Variants in HBS1L observed in about 807,000 individuals in gnomAD.
HBS1L encodes the protein HBS1 like translational GTPase, also known as HBS1-like protein.
Under a neutral mutation model 88.9 loss-of-function variants are expected in HBS1L, and 55 were observed. The ratio of observed to expected loss-of-function variants is 0.62; its 90% CI spans 0.50 to 0.77. The LOEUF is 0.77. HBS1L is among the 30% of genes least tolerant of loss of function. HBS1L has a pLI of 0.00. For synonymous variants in HBS1L, 267 were observed against 288.5 expected (o/e 0.93, Z 0.76); for missense variants, 741 against 829.3 (o/e 0.89, Z 1.31).
intron 8 of HBS1L, among the ~76,000 whole-genome samples, chr6:134,990,478 A>G (rs1247723276): frequency 1.3e-5 from 2 of 152,242 alleles, no homozygotes; most frequent in African/African-American, 4.8e-5. Context: ...GTTACTTAAC[A>G]TCTTTGAGTC....
rs571045476 is a variant in HBS1L, at chr6:134,996,957, T to C, written c.800-15A>G. ...ATCAACATGACCTAAAGAAAATTGA[T>C]TCAGGATTAATACCAGGTACATTTC... On this transcript the variant is annotated splice_polypyrimidine_tract_variant and intron_variant, in intron 6 of 17. Coordinates refer to ENST00000367837, the MANE Select transcript of HBS1L (RefSeq NM_006620.4). 2.6e-6 allele frequency: 4 copies of C among 1,556,994 alleles called. No individual in the cohort carries two copies. In the South Asian group the frequency reaches 3.7e-5, roughly 14 times the overall value.
chr6:134,992,962 T>C (rs1775186304), intron 8 of HBS1L, among the ~76,000 whole-genome samples: 1 of 152,206 alleles, frequency 6.6e-6, no homozygotes, highest in Non-Finnish European at 1.5e-5. Context: ...TACCATTTTT[T>C]ATCTTTTATG....
intron 1 of HBS1L, among the ~76,000 whole-genome samples, chr6:135,052,884 T>C (rs1365175319): frequency 2.0e-5 from 3 of 152,206 alleles, no homozygotes; most frequent in Non-Finnish European, 2.9e-5. Flanking sequence ...GCGGAACCAG[T>C]AGGTTTTAGA....
intron 4 of HBS1L, among the ~76,000 whole-genome samples, chr6:135,032,516 A>T (rs978185351): frequency 6.6e-6 from 1 of 152,140 alleles, no homozygotes; most frequent in Admixed American, 6.5e-5. Flanking sequence ...CAATTTCTAA[A>T]CTATTATAAA....
intron 2 of HBS1L, among the ~76,000 whole-genome samples, chr6:135,048,868 TAA>T (rs1776993142): frequency 6.6e-6 from 1 of 152,156 alleles, no homozygotes; most frequent in South Asian, 2.1e-4. Context: ...GGCCTGTACA[TAA>T]AGAGCTAGAT....
intron 13 of HBS1L, 195 bp from the exon 14 acceptor site, chr6:134,979,463 C>T (rs1225805189): frequency 1.2e-5 from 6 of 507,824 alleles, no homozygotes; most frequent in Non-Finnish European, 2.1e-5. Flanking sequence ...TCTAGAATAC[C>T]ACCCTAAACA....
intron 4 of HBS1L, chr6:135,027,210 A>G (rs79071071): frequency 7.1e-6 from 1 of 141,744 alleles, no homozygotes. Flanking sequence ...AAAAAAAAAA[A>G]AAAAAAGAAA....
chr6:134,986,117 A>G lies in HBS1L; in HGVS notation c.1372T>C (p.Ser458Pro), dbSNP rs752717318. The G allele has an allele frequency of 3.1e-6, 5 of 1,602,026 alleles. No individual in the cohort carries two copies. The African/African-American group carries it at 5.4e-5, about 17-fold the overall frequency. ...SGENLITRSQ[S>P]SELTKWYKGL... is the part of the protein sequence containing the mutation. Reference sequence around the variant, plus strand: ...TTATACCATTTTGTGAGTTCACTTGACTGAGATCTTGTGATTAGATTTTCA... The same window carrying G: ...TTATACCATTTTGTGAGTTCACTTGGCTGAGATCTTGTGATTAGATTTTCA... Residue 458 changes from serine (S) to proline (P), a missense_variant, in exon 11 of 18, where the codon TCA becomes CCA. Ser to Pro is a moderately conservative substitution (Grantham distance 74, BLOSUM62 -1). This residue lies in a region of HBS1L where 556 missense variants were observed against 598.4 expected (regional missense o/e 0.93). Coordinates refer to ENST00000367837, the MANE Select transcript of HBS1L (RefSeq NM_006620.4).
At chr6:135,049,213 C>T (rs565316632) in intron 2 of HBS1L, among the ~76,000 whole-genome samples, 1 of 152,256 alleles carries the variant, frequency 6.6e-6, no homozygotes, top group South Asian at 2.1e-4. Flanking sequence ...GGTGAACACC[C>T]GCTTTCTGGC....
chr6:134,966,433 T>C lies in HBS1L; in HGVS notation c.1939A>G (p.Thr647Ala). 6.2e-7 allele frequency: 1 copy of C among 1,610,720 alleles called. No homozygotes were observed. The highest frequency in any genetic ancestry group is 8.5e-7 in the Non-Finnish European group (1 of 1,178,300). ...KGQNALVELQ[T>A]QRPIALELYK... Reference sequence around the variant, plus strand: ...AGCTCAAGAGCTATTGGTCTTTGTGTCTGTAGCTCTACCAATGCATTCTGG... The same window carrying C: ...AGCTCAAGAGCTATTGGTCTTTGTGCCTGTAGCTCTACCAATGCATTCTGG... The change falls in exon 17 of 18, where the codon ACA becomes GCA. Residue 647 changes from threonine (T) to alanine (A), a missense_variant. Thr to Ala is a moderately conservative substitution (Grantham distance 58). Around this residue, in one of 3 missense-constraint regions of HBS1L, gnomAD observed 181 missense variants for 212.7 expected, o/e 0.85. Transcript: ENST00000367837.
chr6:134,996,649 T>A, intron 7 of HBS1L, 128 bp downstream of exon 7: 1 of 638,432 alleles, frequency 1.6e-6, no homozygotes, highest in Non-Finnish European at 2.4e-6. Flanking sequence ...TTCCCTGATA[T>A]CTAAAAGCTA....
At chr6:135,047,564 T>C (rs145379831) in intron 2 of HBS1L, among the ~76,000 whole-genome samples, 132 of 152,316 alleles carry the variant, frequency 8.7e-4, no homozygotes, top group African/African-American at 2.9e-3. Context: ...GTCCCCAACA[T>C]TGCATTTCTA....
At chr6:135,003,302 G>C (rs915094702) in intron 4 of HBS1L, among the ~76,000 whole-genome samples, 1 of 152,104 alleles carries the variant, frequency 6.6e-6, no homozygotes, top group Non-Finnish European at 1.5e-5. Flanking sequence ...AATTGTGCTG[G>C]AATATAGTAT....
At position 134,965,387 on chromosome 6, in the gene HBS1L, C is replaced by G. The variant is rs879067139; in HGVS notation, c.2044-97G>C. ...AATTATGGTGAAAGAATTATTATAT[C>G]AAGAGAAAATCTTTTTCTTTGTCCT... On this transcript the variant is annotated intron_variant, in intron 17 of 17. Coordinates refer to ENST00000367837, the MANE Select transcript of HBS1L (RefSeq NM_006620.4). 201 of 836,048 alleles carry G rather than the reference C, an allele frequency of 2.4e-4. 1 individual carries two copies. The South Asian group carries it at 2.4e-3, about 10-fold the overall frequency. The allele number at this position is 836,048 out of a possible 1,614,324, so 51.8% of individuals were successfully genotyped here. A position where few individuals can be genotyped will look rare whatever the true frequency, so the allele number is the denominator to read the frequency against.
intron 2 of HBS1L, among the ~76,000 whole-genome samples, chr6:135,045,197 G>C (rs1229218803): frequency 2.0e-5 from 3 of 152,106 alleles, no homozygotes; most frequent in Admixed American, 6.5e-5. Flanking sequence ...GTTGTACTGA[G>C]AGCCCCAAAA....
chr6:135,037,851 C>CT (rs1239432391), intron 4 of HBS1L: 10 of 1,546,286 alleles, frequency 6.5e-6, no homozygotes, highest in Non-Finnish European at 8.7e-6. Flanking sequence ...TGTCAAGTTT[C>CT]TTTTTTCTAT....
chr6:135,053,324 T>C lies in HBS1L; in HGVS notation c.43+1325A>G, dbSNP rs555622054. 2.3e-3 allele frequency among the ~76,000 whole-genome samples: 344 copies of C among 152,348 alleles called. 2 individuals are homozygous for C. Among genetic ancestry groups the C allele is most frequent in the Non-Finnish European group, 3.4e-3 (234 of 68,040 alleles). On this transcript the variant is annotated intron_variant, in intron 1 of 17. Coordinates refer to ENST00000367837, the MANE Select transcript of HBS1L (RefSeq NM_006620.4). ...TGTAACTCGTATAATCTTCTCCTTTTAGACCACCCTCAAATATCTTACTTT... is the reference window on the plus strand; with the variant it reads ...TGTAACTCGTATAATCTTCTCCTTTCAGACCACCCTCAAATATCTTACTTT...
At chr6:135,032,759 C>A (rs1438082507) in intron 4 of HBS1L, among the ~76,000 whole-genome samples, 2 of 152,014 alleles carry the variant, frequency 1.3e-5, no homozygotes, top group Non-Finnish European at 2.9e-5. Context: ...TTAGTTTTAT[C>A]CCTGGTATGA....
chr6:135,003,596 G>A (rs527938930), intron 4 of HBS1L, among the ~76,000 whole-genome samples: 7 of 148,312 alleles, frequency 4.7e-5, no homozygotes, highest in African/African-American at 1.5e-4. Flanking sequence ...GGCCAGGCAC[G>A]GTGGCTCATG....
Sources: gnomAD v4.1 joint callset for allele counts (sites outside exome capture counted in the v4.1 genomes callset) on GRCh38, gnomAD v4.1.1 for gene constraint, gnomAD v4.1.1 regional missense constraint, MANE v1.5 for transcripts, NCBI Gene and HGNC (gene_info 2026-07-23, HGNC 2026-07-21) for gene names.